The following WDFY4 variants were observed in gnomAD, a reference collection of about 807,000 sequenced individuals.
WDFY4 encodes WDFY family member 4.
WDFY4 carries 169 observed loss-of-function variants against 351.9 expected under a neutral mutation model. That is an observed-to-expected ratio of 0.48 (90% CI 0.42 to 0.55). The LOEUF is 0.55. Ranked by LOEUF, WDFY4 falls within the 20% of genes least tolerant of loss-of-function variation. WDFY4 has a pLI of 0.00. For missense variants in WDFY4, 3,803 were observed against 3,935.6 expected (o/e 0.97, Z 0.90); for synonymous variants, 1,622 against 1,574.6 (o/e 1.03, Z -0.71).
intron 39 of WDFY4, among the ~76,000 whole-genome samples, chr10:48,848,781 C>T (rs1301822050): frequency 2.6e-5 from 4 of 152,180 alleles, no homozygotes; most frequent in Non-Finnish European, 2.9e-5. Context: ...TGTGGCACCC[C>T]GAGGAGGCGA....
chr10:48,956,649 G>T (rs1841605202), intron 51 of WDFY4, among the ~76,000 whole-genome samples: 4 of 152,088 alleles, frequency 2.6e-5, no homozygotes, highest in Admixed American at 2.6e-4. Context: ...GGAAACTTTT[G>T]CTGACCTCCC....
intron 1 of WDFY4, among the ~76,000 whole-genome samples, chr10:48,695,931 T>C (rs984948612): frequency 2.0e-5 from 3 of 151,854 alleles, no homozygotes; most frequent in East Asian, 1.9e-4. Context: ...GCAAAAACCA[T>C]AGAGGTGTGT....
chr10:48,749,227 A>G (rs145156105), intron 12 of WDFY4, among the ~76,000 whole-genome samples: 18 of 152,324 alleles, frequency 1.2e-4, no homozygotes, highest in African/African-American at 3.4e-4. Flanking sequence ...AATTCCAAAA[A>G]TATATCTATG....
At chr10:48,805,972 G>A in intron 26 of WDFY4, 32 bp from the exon 27 acceptor site, 4 of 1,548,472 alleles carry the variant, frequency 2.6e-6, no homozygotes, top group Non-Finnish European at 3.5e-6. Flanking sequence ...GAGCCCGCCT[G>A]CGAGCCTGTC....
intron 58 of WDFY4, chr10:48,976,570 G>T: frequency 2.8e-6 from 1 of 351,402 alleles, no homozygotes; most frequent in Non-Finnish European, 5.1e-6. Context: ...TGCCAGGAAA[G>T]AAGTATCTAA....
At chr10:48,978,164 A>G (rs1842656041) in intron 59 of WDFY4, 145 bp from the exon 60 acceptor site, 1 of 764,288 alleles carries the variant, frequency 1.3e-6, no homozygotes, top group African/African-American at 1.8e-5. Flanking sequence ...TTACCTGATG[A>G]TAAGTTAACA....
At chr10:48,825,641 C>A (rs147704445) in intron 35 of WDFY4, among the ~76,000 whole-genome samples, 1 of 152,078 alleles carries the variant, frequency 6.6e-6, no homozygotes, top group African/African-American at 2.4e-5. Context: ...TTTTAATAAT[C>A]GCCATTCTGA....
In WDFY4 at chr10:48,943,412, C is replaced by T. The variant is rs1445673359; in HGVS notation, c.7712C>T (p.Pro2571Leu). 1.9e-6 allele frequency: 3 copies of T among 1,551,892 alleles called. No homozygotes were observed. The highest frequency in any genetic ancestry group is 2.6e-6 in the Non-Finnish European group (3 of 1,147,016). ...ACCTGCAATGACTACATGCAGTACC[C>T]AGTGTTCCCCTGGGTCCTCGCAGAC... is the stretch of plus-strand genomic sequence containing the variant. ...GRTCNDYMQY[P>L]VFPWVLADYT... is the part of the protein sequence containing the mutation. The change falls in exon 49 of 62, where the codon CCA becomes CTA. Residue 2571 changes from proline to leucine, a missense_variant. This residue lies in a region of WDFY4 where 3,054 missense variants were observed against 3,148.6 expected (regional missense o/e 0.97). Coordinates refer to ENST00000325239, the MANE Select transcript of WDFY4 (RefSeq NM_001394531.1).
intron 46 of WDFY4, among the ~76,000 whole-genome samples, 196 bp downstream of exon 46, chr10:48,900,502 G>T (rs1227085335): frequency 6.6e-6 from 1 of 152,178 alleles, no homozygotes; most frequent in Non-Finnish European, 1.5e-5. Flanking sequence ...GGCAGAGAAG[G>T]CCCTTCCTTC....
At chr10:48,719,893 C>A (rs2064024169) in intron 2 of WDFY4, 118 bp from the exon 3 acceptor site, 1 of 876,372 alleles carries the variant, frequency 1.1e-6, no homozygotes, top group Non-Finnish European at 1.8e-6. Flanking sequence ...CTTTTGCATG[C>A]ACCTGGGAAA....
In WDFY4 at chr10:48,815,459, A is replaced by AT. The variant is rs906578702; in HGVS notation, c.5340+1387dup. Among the ~76,000 whole-genome samples the AT allele has an allele frequency of 9.4e-5, 14 of 149,514 alleles. No individual in the cohort carries two copies. The East Asian group carries it at 9.8e-4, about 10-fold the overall frequency. Reference sequence around the variant, plus strand: ...CCACTTTTTGCCCTTTTTGAAACAGATTTTTTTTTTCTTTTTTGAGACAGG... The same window carrying AT: ...CCACTTTTTGCCCTTTTTGAAACAGATTTTTTTTTTTCTTTTTTGAGACAGG... On this transcript the variant is annotated intron_variant, in intron 31 of 61. Coordinates refer to ENST00000325239, the MANE Select transcript of WDFY4 (RefSeq NM_001394531.1).
Position 48,972,948 on chromosome 10 carries a change from C to T in WDFY4, c.8929-1914C>T, listed in dbSNP as rs551350119. Among the ~76,000 whole-genome samples the T allele has an allele frequency of 5.9e-5, 9 of 152,298 alleles. No homozygotes were observed. In the East Asian group the frequency reaches 1.5e-3, roughly 26 times the overall value. ...TATTATTCTGAGAAAACAAAACCCCCTTTGAAGCTGCTATCTCTTCCTTGA... is the reference window on the plus strand; with the variant it reads ...TATTATTCTGAGAAAACAAAACCCCTTTTGAAGCTGCTATCTCTTCCTTGA... On this transcript the variant is annotated intron_variant, in intron 57 of 61. Transcript: ENST00000325239.
At chr10:48,769,483 A>G (rs2065789821) in intron 13 of WDFY4, among the ~76,000 whole-genome samples, 1 of 152,178 alleles carries the variant, frequency 6.6e-6, no homozygotes, top group African/African-American at 2.4e-5. Flanking sequence ...TCTCTTCAAA[A>G]TCATGAAGAA....
intron 47 of WDFY4, chr10:48,913,354 C>A: frequency 6.3e-7 from 1 of 1,587,056 alleles, no homozygotes; most frequent in South Asian, 1.1e-5. Context: ...CCCTCCCTCT[C>A]TCTTTCCCTT....
Position 48,735,987 on chromosome 10 carries a change from G to A in WDFY4, c.1795G>A (p.Ala599Thr), listed in dbSNP as rs375758581. The A allele has an allele frequency of 7.7e-6, 12 of 1,551,868 alleles. No homozygotes were observed. The highest frequency in any genetic ancestry group is 2.0e-5 in the Admixed American group (1 of 51,002). Residue 599 changes from alanine to threonine, a missense_variant, in exon 11 of 62, where the codon GCC (alanine) becomes ACC (threonine). Coordinates refer to ENST00000325239, the MANE Select transcript of WDFY4 (RefSeq NM_001394531.1). ...CTTGGAGCAGCTCTCAGCCATCAAC[G>A]CCGAGGAGTACATGAGCATCATTGT... The part of the protein sequence containing the change: ...SILEQLSAIN[A>T]EEYMSIIVGA...
chr10:48,833,800 G>A (rs2068281953), intron 39 of WDFY4, among the ~76,000 whole-genome samples: 3 of 152,206 alleles, frequency 2.0e-5, no homozygotes, highest in Admixed American at 2.0e-4. Context: ...AAATAACTGT[G>A]AGAACCCAGA....
In WDFY4 at chr10:48,727,548, C is replaced by T; in HGVS notation, c.860C>T (p.Ala287Val). 2 of 1,551,882 alleles carry T rather than the reference C, an allele frequency of 1.3e-6. No homozygotes were observed. Among genetic ancestry groups the T allele is most frequent in the South Asian group, 1.2e-5 (1 of 84,064 alleles). Reference sequence around the variant, plus strand: ...CTCCCTGCCCCTGAAGTGAGCGAGGCTGTAAGCCTGATCTTGGGATTCGTG... The same window carrying T: ...CTCCCTGCCCCTGAAGTGAGCGAGGTTGTAAGCCTGATCTTGGGATTCGTG... Reference protein sequence around the residue: ...DTLPAPEVSEAVSLILGFVKD... With the variant: ...DTLPAPEVSEVVSLILGFVKD... Residue 287 changes from alanine to valine, a missense_variant, in exon 7 of 62, where the codon GCT becomes GTT. Ala to Val is a moderately conservative substitution (Grantham distance 64, BLOSUM62 0). Coordinates refer to ENST00000325239, the MANE Select transcript of WDFY4 (RefSeq NM_001394531.1).
At chr10:48,775,625 G>A in intron 14 of WDFY4, 87 bp from the exon 15 acceptor site, 1 of 1,280,372 alleles carries the variant, frequency 7.8e-7, no homozygotes, top group Non-Finnish European at 1.1e-6. Flanking sequence ...GGAGCTCCAG[G>A]CATCTAGGAC....
At chr10:48,708,485 C>T (rs549032449) in intron 1 of WDFY4, among the ~76,000 whole-genome samples, 10 of 152,306 alleles carry the variant, frequency 6.6e-5, no homozygotes, top group Middle Eastern at 3.4e-3. Flanking sequence ...TGGCTTCCTA[C>T]GTGGTAATGT....
Sources: gnomAD v4.1 joint callset for allele counts (sites outside exome capture counted in the v4.1 genomes callset) on GRCh38, gnomAD v4.1.1 for gene constraint, gnomAD v4.1.1 regional missense constraint, MANE v1.5 for transcripts, NCBI Gene and HGNC (gene_info 2026-07-23, HGNC 2026-07-21) for gene names.